The following F7 variants were observed in gnomAD, a reference collection of about 807,000 sequenced individuals.
F7 encodes the protein coagulation factor VII.
In F7, 38 loss-of-function variants were observed where a neutral mutation model predicts 47.5. That is an observed-to-expected ratio of 0.80 (90% CI 0.62 to 1.05). F7 has a LOEUF of 1.05. F7 is among the 50% of genes least tolerant of loss of function. The pLI is 0.00. For synonymous variants in F7, 244 were observed against 258.5 expected (o/e 0.94, Z 0.54); for missense variants, 575 against 605.4 (o/e 0.95, Z 0.53).
rs568985630 is a variant in F7, at chr13:113,117,586, C to G, written c.729C>G (p.Ile243Met). 6.2e-7 allele frequency: 1 copy of G among 1,602,642 alleles called. No individual in the cohort carries two copies. The highest frequency in any genetic ancestry group is 8.5e-7 in the Non-Finnish European group (1 of 1,171,034). Residue 243 changes from isoleucine (I) to methionine (M), a missense_variant, in exon 7 of 8, where the codon ATC becomes ATG. Coordinates refer to ENST00000346342, the MANE Select transcript of F7 (RefSeq NM_019616.4). Reference protein sequence around the residue: ...FDKIKNWRNLIAVLGEHDLSE... With the variant: ...FDKIKNWRNLMAVLGEHDLSE... ...AAATCAAGAACTGGAGGAACCTGAT[C>G]GCGGTGCTGGGTGGGTACCACTCTC...
intron 6 of F7, 61 bp downstream of exon 6, chr13:113,116,936 GAAC>G (rs1203422545): frequency 7.4e-7 from 1 of 1,346,526 alleles, no homozygotes; most frequent in Non-Finnish European, 1.1e-6. Context: ...TTTTGAATGT[GAAC>G]AACAGCTCTG....
At chr13:113,116,615 C>G (rs2036196473) in intron 5 of F7, 151 bp from the exon 6 acceptor site, 2 of 671,434 alleles carry the variant, frequency 3.0e-6, no homozygotes, top group Non-Finnish European at 5.3e-6. Flanking sequence ...CTGCCTTCCA[C>G]CACCCCTGGG....
Position 113,113,672 on chromosome 13 carries a change from G to C in F7, c.226-80G>C. The C allele has an allele frequency of 2.1e-6, 3 of 1,455,086 alleles. No homozygotes were observed. Among genetic ancestry groups the C allele is most frequent in the Non-Finnish European group, 2.9e-6 (3 of 1,036,118 alleles). 90.1% of individuals were successfully genotyped at this position (1,455,086 alleles called of 1,614,324 possible). ...CCCAGGTCCAAGTCCCCCAACCCCAGTTCATGGTGTGTCCAGTGCTTACCG... is the reference window on the plus strand; with the variant it reads ...CCCAGGTCCAAGTCCCCCAACCCCACTTCATGGTGTGTCCAGTGCTTACCG... On this transcript the variant is annotated intron_variant, in intron 2 of 7. Coordinates refer to ENST00000346342, the MANE Select transcript of F7 (RefSeq NM_019616.4). The surrounding 1 kb of genome is among the most constrained non-coding windows in gnomAD (Gnocchi z 4.1).
chr13:113,113,808 C>T lies in F7; in HGVS notation c.250+32C>T, dbSNP rs374056563. On this transcript the variant is annotated intron_variant, in intron 3 of 7. Transcript: ENST00000346342. This position sits in a 1 kb window ranked among gnomAD's most constrained non-coding sequence, Gnocchi z 4.1. ...GGATGATCACCACCAGTCCTGCCTG[C>T]AACCCTTCTCAGCTTACTGACACCA... 740 of 1,614,080 alleles carry T rather than the reference C, an allele frequency of 4.6e-4. No homozygotes were observed. The highest frequency in any genetic ancestry group is 6.1e-4 in the Non-Finnish European group (716 of 1,180,054).
In F7 at chr13:113,119,065, C is replaced by A. The variant is rs751742106; in HGVS notation, c.*57C>A. 4.0e-5 allele frequency: 61 copies of A among 1,523,320 alleles called. No homozygotes were observed. The highest frequency in any genetic ancestry group is 5.2e-5 in the Non-Finnish European group (58 of 1,116,714). The allele number at this position is 1,523,320 out of a possible 1,614,324, so 94.4% of individuals were successfully genotyped here. Reference sequence around the variant, plus strand: ...AAGGCTGCGTCGAACTGTCCTGGCACCAAATCCCATATATTCTTCTGCAGT... The same window carrying A: ...AAGGCTGCGTCGAACTGTCCTGGCAACAAATCCCATATATTCTTCTGCAGT... On this transcript the variant is annotated 3_prime_UTR_variant, in exon 8 of 8. Coordinates refer to ENST00000346342, the MANE Select transcript of F7 (RefSeq NM_019616.4).
intron 6 of F7, chr13:113,117,126 T>G (rs2036207735): frequency 1.6e-6 from 1 of 619,238 alleles, no homozygotes; most frequent in Admixed American, 2.7e-5. Flanking sequence ...ATCCGAGTTG[T>G]CACGTCGTCC....
intron 4 of F7, 50 bp from the exon 5 acceptor site, chr13:113,115,610 C>T (rs762144072): frequency 6.3e-7 from 1 of 1,596,238 alleles, no homozygotes; most frequent in South Asian, 1.1e-5. Context: ...GGGGCTGGCT[C>T]TCGCTGACCC....
At chr13:113,116,933 T>G (rs1470544526) in intron 6 of F7, 58 bp downstream of exon 6, 8 of 1,368,312 alleles carry the variant, frequency 5.8e-6, no homozygotes, top group South Asian at 5.8e-5. Context: ...GCCTTTTGAA[T>G]GTGAACAACA....
chr13:113,119,212 T>C lies in F7; in HGVS notation c.*204T>C. 2 of 598,524 alleles carry C rather than the reference T, an allele frequency of 3.3e-6. No homozygotes were observed. The highest frequency in any genetic ancestry group is 5.9e-6 in the Non-Finnish European group (2 of 338,008). 37.1% of individuals were successfully genotyped at this position (598,524 alleles called of 1,614,324 possible). A position where few individuals can be genotyped will look rare whatever the true frequency, so the allele number is the denominator to read the frequency against. On this transcript the variant is annotated 3_prime_UTR_variant, in exon 8 of 8. Coordinates refer to ENST00000346342, the MANE Select transcript of F7 (RefSeq NM_019616.4). ...AGACTCTGAGGACATGGAGAGAGAC[T>C]CAAAGAGACTCCAAGATTCAAAGAG...
chr13:113,110,475 A>C, intron 1 of F7: 1 of 572,842 alleles, frequency 1.7e-6, no homozygotes. Flanking sequence ...CAGCCCCCGG[A>C]AGCAGAGAGG....
Position 113,116,802 on chromosome 13 carries a change from AAAG to A in F7, c.545_547del (p.Arg182del), listed in dbSNP as rs769918521. On this transcript the variant is annotated inframe_deletion, in exon 6 of 8. Coordinates refer to ENST00000346342, the MANE Select transcript of F7 (RefSeq NM_019616.4). The stretch of plus-strand genomic sequence containing the variant: ...TGTGGAAAAATACCTATTCTAGAAA[AAAG>A]AAATGCCAGCAAACCCCAAGGCCGA... 14 of 1,613,840 alleles carry A rather than the reference AAAG, an allele frequency of 8.7e-6. No individual in the cohort carries two copies. The highest frequency in any genetic ancestry group is 1.7e-5 in the Admixed American group (1 of 60,016).
chr13:113,112,789 C>G (rs1312396164), intron 2 of F7, among the ~76,000 whole-genome samples: 1 of 150,366 alleles, frequency 6.7e-6, no homozygotes, highest in Non-Finnish European at 1.5e-5. Context: ...TCTTACAGGA[C>G]AACTCACACT....
chr13:113,117,434 C>G (rs771872324), intron 6 of F7, 39 bp from the exon 7 acceptor site: 1 of 1,610,878 alleles, frequency 6.2e-7, no homozygotes, highest in Non-Finnish European at 8.5e-7. Flanking sequence ...GAAACAATGA[C>G]AGCAATGTGA....
rs1160146175 is a variant in F7 at position 113,117,513 on chromosome 13, C to A, written c.656C>A (p.Thr219Asn). The A allele has an allele frequency of 6.2e-6, 10 of 1,614,074 alleles. No homozygotes were observed. The East Asian group carries it at 1.6e-4, about 25-fold the overall frequency. The change falls in exon 7 of 8, where the codon ACC becomes AAC. Residue 219 changes from threonine to asparagine, a missense_variant. By Grantham distance (65) the Thr-to-Asn change is moderately conservative. Coordinates refer to ENST00000346342, the MANE Select transcript of F7 (RefSeq NM_019616.4). ...LVNGAQLCGG[T>N]LINTIWVVSA... ...AATGGAGCTCAGTTGTGTGGGGGGA[C>A]CCTGATCAACACCATCTGGGTGGTC...
chr13:113,116,615 C>A, intron 5 of F7, 151 bp from the exon 6 acceptor site: 2 of 671,552 alleles, frequency 3.0e-6, no homozygotes, highest in South Asian at 1.8e-5. Flanking sequence ...CTGCCTTCCA[C>A]CACCCCTGGG....
chr13:113,119,071 C>A lies in F7; in HGVS notation c.*63C>A. 6.7e-7 allele frequency: 1 copy of A among 1,488,778 alleles called. No individual in the cohort carries two copies. The highest frequency in any genetic ancestry group is 9.2e-7 in the Non-Finnish European group (1 of 1,087,046). The allele number at this position is 1,488,778 out of a possible 1,614,324, so 92.2% of individuals were successfully genotyped here. A position where few individuals can be genotyped will look rare whatever the true frequency, so the allele number is the denominator to read the frequency against. On this transcript the variant is annotated 3_prime_UTR_variant, in exon 8 of 8. Coordinates refer to ENST00000346342, the MANE Select transcript of F7 (RefSeq NM_019616.4). ...GCGTCGAACTGTCCTGGCACCAAAT[C>A]CCATATATTCTTCTGCAGTTAATGG... is the stretch of plus-strand genomic sequence containing the variant.
At chr13:113,117,223 G>C (rs915692740) in intron 6 of F7, among the ~76,000 whole-genome samples, 2 of 152,246 alleles carry the variant, frequency 1.3e-5, no homozygotes, top group African/African-American at 4.8e-5. Context: ...ATCCTGTGAG[G>C]TGAACAGTGA....
intron 1 of F7, chr13:113,107,056 C>A: frequency 2.2e-6 from 2 of 909,806 alleles, no homozygotes; most frequent in Non-Finnish European, 3.5e-6. Flanking sequence ...GAGGAAGTGA[C>A]CGCTCCAGCT....
At chr13:113,106,969 C>T (rs2035973165) in intron 1 of F7, 1 of 1,535,978 alleles carries the variant, frequency 6.5e-7, no homozygotes. Flanking sequence ...ACATCACCTC[C>T]TTCCCCTCCC....
Sources: allele counts gnomAD v4.1 joint callset (sites outside exome capture counted in the v4.1 genomes callset), GRCh38; gene constraint gnomAD v4.1.1; non-coding constraint Gnocchi (gnomAD v3.1); transcripts MANE v1.5; gene names NCBI Gene and HGNC (gene_info 2026-07-23, HGNC 2026-07-21).